The following CNOT2 variants were observed in gnomAD, a reference collection of about 807,000 sequenced individuals.
CNOT2 encodes the protein CC chemokine receptor 4-negative regulator of transcription 2.
A neutral mutation model predicts 72.1 loss-of-function variants in CNOT2; 7 were observed. The ratio of observed to expected loss-of-function variants is 0.10; its 90% confidence interval spans 0.06 to 0.18. CNOT2 has a LOEUF of 0.18. CNOT2 is among the 10% of genes least tolerant of loss of function. The pLI is 1.00. For missense variants in CNOT2, 345 were observed against 660.3 expected, an observed-to-expected ratio of 0.52 and a Z score of 5.23; for synonymous variants, 196 against 225.6, an observed-to-expected ratio of 0.87 and a Z score of 1.17.
At chr12:70,344,468 T>C in intron 14 of CNOT2, 2 of 414,234 alleles carry the variant, frequency 4.8e-6, no homozygotes, top group East Asian at 8.9e-5. Flanking sequence ...TGGCTCACAC[T>C]TGTAATCCCA....
At chr12:70,348,563 C>T (rs1251488301) in intron 15 of CNOT2, among the ~76,000 whole-genome samples, 1 of 151,998 alleles carries the variant, frequency 6.6e-6, no homozygotes, top group Non-Finnish European at 1.5e-5. Context: ...CATTTTTGCT[C>T]AATATTATTG....
At chr12:70,310,857 A>G in intron 2 of CNOT2, 38 bp from the exon 3 acceptor site, 10 of 1,591,270 alleles carry the variant, frequency 6.3e-6, no homozygotes, top group Non-Finnish European at 7.7e-6. Flanking sequence ...AACATTTTCC[A>G]AAGTATTACC....
At chr12:70,344,944 C>T (rs1241559845) in intron 14 of CNOT2, 1 of 151,980 alleles carries the variant, frequency 6.6e-6, no homozygotes, top group African/African-American at 2.4e-5. Context: ...ATTTGTTGTA[C>T]GTTTTGAAGT....
At chr12:70,292,446 T>A (rs1212381158) in intron 2 of CNOT2, among the ~76,000 whole-genome samples, 2 of 152,204 alleles carry the variant, frequency 1.3e-5, no homozygotes, top group Non-Finnish European at 1.5e-5. Flanking sequence ...AATTCCTTAC[T>A]GAGATGACTT....
At chr12:70,303,546 C>G (rs1394203318) in intron 2 of CNOT2, among the ~76,000 whole-genome samples, 3 of 152,162 alleles carry the variant, frequency 2.0e-5, no homozygotes, top group Non-Finnish European at 4.4e-5. Context: ...ATATTGGTCC[C>G]CACTCTCTTC....
At chr12:70,350,537 C>T (rs1345590920) in intron 15 of CNOT2, among the ~76,000 whole-genome samples, 2 of 152,184 alleles carry the variant, frequency 1.3e-5, no homozygotes, top group African/African-American at 4.8e-5. Flanking sequence ...ACTCCAAAAT[C>T]TGTAACTTCT....
Position 70,344,184 on chromosome 12 carries a change from C to T in CNOT2, c.1347C>T (p.Tyr449=). Residue 449 remains tyrosine (Y), a synonymous_variant, in exon 14 of 16, where the codon TAC becomes TAT. Transcript: ENST00000229195. ...YGEDLLFYLY[Y]MNGGDVLQLL... ...AAGACCTTCTCTTCTATCTCTATTA[C>T]ATGAATGGAGGAGACGTATTACAAC... is the stretch of plus-strand genomic sequence containing the variant. 1 of 1,612,474 alleles carries T rather than the reference C, an allele frequency of 6.2e-7. No homozygotes were observed. The highest frequency in any genetic ancestry group is 1.7e-5 in the Admixed American group (1 of 59,972).
intron 7 of CNOT2, chr12:70,334,314 A>G (rs974193712): frequency 2.0e-5 from 3 of 152,050 alleles, no homozygotes; most frequent in African/African-American, 7.2e-5. Context: ...TGCAGAAATA[A>G]ATTTATAAAC....
At chr12:70,275,496 TC>T (rs1283977932) in intron 1 of CNOT2, among the ~76,000 whole-genome samples, 1 of 152,104 alleles carries the variant, frequency 6.6e-6, no homozygotes, top group Non-Finnish European at 1.5e-5. Flanking sequence ...TTGTTCTTTT[TC>T]TTGACGATCT....
rs1306325670 is a variant in CNOT2 at position 70,338,717 on chromosome 12, T to C, written c.1073T>C (p.Ile358Thr). 1.9e-6 allele frequency: 3 copies of C among 1,613,452 alleles called. No homozygotes were observed. The highest frequency in any genetic ancestry group is 2.5e-6 in the Non-Finnish European group (3 of 1,179,510). ...QGMVTDQFGM[I>T]GLLTFIRAAE... ...ATGGTGACGGACCAATTTGGAATGA[T>C]TGGCCTGTTAACATTTATCAGGGCA... The change falls in exon 11 of 16, where the codon ATT becomes ACT. Residue 358 changes from isoleucine (I) to threonine (T), a missense_variant. Ile to Thr is a moderately conservative substitution (Grantham distance 89). Coordinates refer to ENST00000229195, the MANE Select transcript of CNOT2 (RefSeq NM_014515.7).
Position 70,338,481 on chromosome 12 carries a change from T to C in CNOT2, c.939T>C (p.Asp313=). 1 of 1,612,920 alleles carries C rather than the reference T, an allele frequency of 6.2e-7. No homozygotes were observed. Among genetic ancestry groups the C allele is most frequent in the Non-Finnish European group, 8.5e-7 (1 of 1,179,432 alleles). ...CTGGCAAGACAACTTCAAGTACAGATGGACCCAAATTCCCTGGAGATAAAA... is the reference window on the plus strand; with the variant it reads ...CTGGCAAGACAACTTCAAGTACAGACGGACCCAAATTCCCTGGAGATAAAA... The part of the protein sequence containing the change: ...NTSGKTTSST[D]GPKFPGDKSS... The change falls in exon 10 of 16, where the codon GAT becomes GAC. Residue 313 remains aspartate, a synonymous_variant. Coordinates refer to ENST00000229195, the MANE Select transcript of CNOT2 (RefSeq NM_014515.7).
chr12:70,332,894 A>T (rs754906658), intron 7 of CNOT2, 48 bp downstream of exon 7: 1 of 1,530,130 alleles, frequency 6.5e-7, no homozygotes, highest in Non-Finnish European at 8.7e-7. Flanking sequence ...TGATAGATTT[A>T]TGAAATATAA....
At chr12:70,329,283 G>T (rs560492009) in intron 4 of CNOT2, 140 bp from the exon 5 acceptor site, 1 of 520,862 alleles carries the variant, frequency 1.9e-6, no homozygotes. Flanking sequence ...AGTTTATTTG[G>T]AGTGAATCGA....
At chr12:70,299,140 C>T (rs112357599) in intron 2 of CNOT2, among the ~76,000 whole-genome samples, 75,694 of 151,818 alleles carry the variant, frequency 0.5, 19,130 homozygotes, top group Admixed American at 0.59. Flanking sequence ...AGTCACGTCT[C>T]ACATGGCGGC....
At chr12:70,266,434 A>G (rs1454566223) in intron 1 of CNOT2, among the ~76,000 whole-genome samples, 2 of 152,148 alleles carry the variant, frequency 1.3e-5, no homozygotes, top group Non-Finnish European at 2.9e-5. Flanking sequence ...TTGAAATTAT[A>G]TTCTATAAAT....
chr12:70,280,010 C>T (rs562791247), intron 2 of CNOT2, among the ~76,000 whole-genome samples: 4 of 152,002 alleles, frequency 2.6e-5, no homozygotes, highest in South Asian at 2.1e-4. Context: ...CATAATTGTA[C>T]GTATTTATGG....
intron 14 of CNOT2, chr12:70,345,932 A>C (rs1882107910): frequency 3.0e-6 from 1 of 334,600 alleles, no homozygotes; most frequent in African/African-American, 2.2e-5. Context: ...TGTTTGTATA[A>C]AAAGTTTCTT....
chr12:70,275,773 T>C (rs778060807), intron 1 of CNOT2, among the ~76,000 whole-genome samples: 7 of 152,150 alleles, frequency 4.6e-5, no homozygotes, highest in Non-Finnish European at 1.0e-4. Flanking sequence ...TACTTGTTCC[T>C]TTTCACAGAT....
intron 1 of CNOT2, among the ~76,000 whole-genome samples, chr12:70,258,579 T>C (rs980788841): frequency 1.3e-5 from 2 of 152,264 alleles, no homozygotes; most frequent in Admixed American, 6.5e-5. Context: ...ATTTAACTCC[T>C]ACCGTGTGCC....
Sources: gnomAD v4.1 joint callset for allele counts (sites outside exome capture counted in the v4.1 genomes callset) on GRCh38, gnomAD v4.1.1 for gene constraint, MANE v1.5 for transcripts, NCBI Gene and HGNC (gene_info 2026-07-23, HGNC 2026-07-21) for gene names.